Variants in NUCB2 observed in about 807,000 individuals in gnomAD.
The protein encoded by NUCB2 is nucleobindin-2.
NUCB2 carries 48 observed loss-of-function variants against 57.9 expected under a neutral mutation model. The ratio of observed to expected loss-of-function variants is 0.83; its 90% CI spans 0.66 to 1.05. NUCB2 has a LOEUF of 1.05. Ranked by LOEUF, NUCB2 falls within the 50% of genes least tolerant of loss-of-function variation. NUCB2 has a pLI of 0.00. For synonymous variants in NUCB2, 139 were observed against 152.1 expected, an observed-to-expected ratio of 0.91 and a Z score of 0.64; for missense variants, 442 against 476.2, an observed-to-expected ratio of 0.93 and a Z score of 0.67.
intron 5 of NUCB2, among the ~76,000 whole-genome samples, chr11:17,302,835 G>A (rs536618042): frequency 2.9e-3 from 448 of 151,880 alleles, no homozygotes; most frequent in South Asian, 5.2e-3. Context: ...TGCCTCCCGG[G>A]TTCACACCAT....
chr11:17,311,401 G>C (rs1470794543), intron 8 of NUCB2, 118 bp downstream of exon 8: 2 of 691,290 alleles, frequency 2.9e-6, no homozygotes, highest in East Asian at 5.6e-5. Flanking sequence ...TAAATGGTTA[G>C]AGTTTTTCTA....
downstream of NUCB2, chr11:17,333,459 T>G (rs531709390): frequency 6.6e-6 from 1 of 152,416 alleles, no homozygotes; most frequent in South Asian, 2.1e-4. Flanking sequence ...TCCTAAAACT[T>G]TAGTAAGTTT....
At chr11:17,296,258 A>T (rs1351647471) in intron 4 of NUCB2, 47 bp downstream of exon 4, 4 of 1,230,242 alleles carry the variant, frequency 3.3e-6, no homozygotes, top group Non-Finnish European at 3.4e-6. Flanking sequence ...TTAATTTAAA[A>T]TTTTTTTAGA....
chr11:17,323,584 T>G lies in NUCB2; in HGVS notation c.1003-6543T>G, dbSNP rs116424088. ...TGGTATCAGGGTAGTACGAGCCTTG[T>G]CAAATGAGTTTGGAAGTATTCCTTC... On this transcript the variant is annotated intron_variant, in intron 11 of 13. Transcript: ENST00000529010. 3.8e-3 allele frequency among the ~76,000 whole-genome samples: 574 copies of G among 152,338 alleles called. 2 individuals carry two copies. The highest frequency in any genetic ancestry group is 0.013 in the African/African-American group (547 of 41,574).
chr11:17,337,433 CT>C (rs1951911043), exon 2 of NUCB2: 1 of 152,276 alleles, frequency 6.6e-6, no homozygotes, highest in East Asian at 1.9e-4. Flanking sequence ...TTTTTATCCC[CT>C]GAAGAACCTG....
Position 17,330,190 on chromosome 11 carries a change from T to C in NUCB2, c.1066T>C (p.Leu356=), listed in dbSNP as rs1951216413. 3.1e-6 allele frequency: 5 copies of C among 1,597,476 alleles called. No individual in the cohort carries two copies. In the African/African-American group the frequency reaches 4.0e-5, roughly 13 times the overall value. Residue 356 remains leucine (L), a synonymous_variant, in exon 12 of 14, where the codon TTA becomes CTA. Coordinates refer to ENST00000529010, the MANE Select transcript of NUCB2 (RefSeq NM_005013.4). This position sits in a 1 kb window ranked among gnomAD's most constrained non-coding sequence, Gnocchi z 4.3. ...AAAAGAATATGAAAATATTATTGCT[T>C]TACAAGAAAATGAACTTAAGAAGAA... ...ELKEYENIIA[L]QENELKKKAD... is the part of the protein sequence containing the mutation.
At chr11:17,327,926 C>G (rs1460319813) in intron 11 of NUCB2, among the ~76,000 whole-genome samples, 1 of 152,148 alleles carries the variant, frequency 6.6e-6, no homozygotes, top group Non-Finnish European at 1.5e-5. Flanking sequence ...AGGATTGGAA[C>G]CTGGTGCCTT....
intron 4 of NUCB2, among the ~76,000 whole-genome samples, chr11:17,297,688 G>C (rs189917414): frequency 1.1e-3 from 161 of 152,276 alleles, no homozygotes; most frequent in Middle Eastern, 3.4e-3. Flanking sequence ...TCCTGGATTG[G>C]TGCAGGGAAT....
At position 17,282,791 on chromosome 11, in the gene NUCB2, C is replaced by T. The variant is rs114057699; in HGVS notation, c.-153C>T. ...TTTTTATTTTTTTTTACATTTAGAACGTGTTACGAGTCAGTTTTTAGTGAA... is the reference window on the plus strand; with the variant it reads ...TTTTTATTTTTTTTTACATTTAGAATGTGTTACGAGTCAGTTTTTAGTGAA... On this transcript the variant is annotated splice_region_variant and 5_prime_UTR_variant, in exon 2 of 14. It adds an upstream start codon to the 5' untranslated region. Transcript: ENST00000529010. The T allele has an allele frequency of 6.3e-4, 95 of 151,716 alleles. No homozygotes were observed. The highest frequency in any genetic ancestry group is 2.2e-3 in the African/African-American group (90 of 41,380). 9.4% of individuals were successfully genotyped at this position (151,716 alleles called of 1,614,324 possible).
chr11:17,286,692 C>T (rs1283137327), intron 2 of NUCB2: 1 of 152,230 alleles, frequency 6.6e-6, no homozygotes, highest in Non-Finnish European at 1.5e-5. Flanking sequence ...GCCATTCTTA[C>T]TGACCTGATA....
At chr11:17,318,029 T>G in intron 11 of NUCB2, among the ~76,000 whole-genome samples, 1 of 147,322 alleles carries the variant, frequency 6.8e-6, no homozygotes, top group Non-Finnish European at 1.5e-5. Context: ...ACAGAGTCTC[T>G]CTCTGTCACC....
At chr11:17,326,348 G>C (rs1340958222) in intron 11 of NUCB2, among the ~76,000 whole-genome samples, 7 of 53,444 alleles carry the variant, frequency 1.3e-4, no homozygotes, top group African/African-American at 4.8e-4. Context: ...ATGGAGTTTT[G>C]CTCTTGTTGC....
chr11:17,317,614 A>G (rs1949427445), intron 11 of NUCB2: 1 of 432,730 alleles, frequency 2.3e-6, no homozygotes, highest in South Asian at 1.7e-5. Context: ...TCAAGAGGAC[A>G]GACTATTATG....
chr11:17,282,254 ATATAT>A (rs1172637808), intron 1 of NUCB2, among the ~76,000 whole-genome samples: 8,409 of 106,700 alleles, frequency 0.079, 262 homozygotes, highest in African/African-American at 0.14. Flanking sequence ...ATATATATAT[ATATAT>A]TTTTTTTTTT....
intron 2 of NUCB2, among the ~76,000 whole-genome samples, chr11:17,341,650 A>G (rs1459447380): frequency 1.3e-5 from 2 of 152,212 alleles, no homozygotes; most frequent in African/African-American, 4.8e-5. Context: ...CCAGCCTTGC[A>G]TCCCAGGGAT....
chr11:17,282,328 G>A (rs1241651655), intron 1 of NUCB2, among the ~76,000 whole-genome samples: 6 of 146,680 alleles, frequency 4.1e-5, no homozygotes, highest in Non-Finnish European at 8.9e-5. Context: ...GCATCATTTC[G>A]GTTCACTGCA....
intron 11 of NUCB2, among the ~76,000 whole-genome samples, chr11:17,327,353 G>C (rs575541005): frequency 6.6e-6 from 1 of 152,250 alleles, no homozygotes; most frequent in East Asian, 1.9e-4. Flanking sequence ...GAGCCACTAC[G>C]CCTCGCCAGG....
intron 2 of NUCB2, among the ~76,000 whole-genome samples, chr11:17,288,165 G>A (rs993766916): frequency 2.6e-5 from 4 of 152,076 alleles, no homozygotes; most frequent in Non-Finnish European, 2.9e-5. Context: ...AATTTATTTC[G>A]TTTAATTTCT....
chr11:17,327,488 A>G (rs1950840069), intron 11 of NUCB2, among the ~76,000 whole-genome samples: 1 of 152,096 alleles, frequency 6.6e-6, no homozygotes, highest in South Asian at 2.1e-4. Flanking sequence ...TATTTTTGAT[A>G]TTATTCCTTT....
Sources: allele counts gnomAD v4.1 joint callset (sites outside exome capture counted in the v4.1 genomes callset), GRCh38; gene constraint gnomAD v4.1.1; non-coding constraint Gnocchi (gnomAD v3.1); transcripts MANE v1.5; gene names NCBI Gene and HGNC (gene_info 2026-07-23, HGNC 2026-07-21).